The following NEGR1 variants were observed in gnomAD, a reference collection of about 807,000 sequenced individuals.
NEGR1 encodes the protein neuronal growth regulator 1, also known as IgLON family member 4.
Under a neutral mutation model 40.9 loss-of-function variants are expected in NEGR1, and 10 were observed. The ratio of observed to expected loss-of-function variants is 0.24; its 90% confidence interval spans 0.15 to 0.42. The LOEUF (loss-of-function observed/expected upper bound fraction) is 0.42. NEGR1 is among the 10% of genes least tolerant of loss of function. The pLI, the probability that NEGR1 is intolerant of heterozygous loss-of-function variation, is 1.00. For missense variants in NEGR1, 352 were observed against 438.9 expected (o/e 0.80, Z 1.77); for synonymous variants, 185 against 166.8 (o/e 1.11, Z -0.84).
chr1:72,104,443 T>G (rs1357162450), intron 1 of NEGR1, among the ~76,000 whole-genome samples: 1 of 152,062 alleles, frequency 6.6e-6, no homozygotes, highest in Non-Finnish European at 1.5e-5. Context: ...CCAAAAAACA[T>G]GGAAAGCCTT....
chr1:71,881,217 T>A (rs546913226), intron 2 of NEGR1, among the ~76,000 whole-genome samples: 1 of 152,134 alleles, frequency 6.6e-6, no homozygotes, highest in South Asian at 2.1e-4. Context: ...TGACTGACTT[T>A]TTTCTGAGAC....
intron 1 of NEGR1, among the ~76,000 whole-genome samples, chr1:72,048,274 G>T (rs534734201): frequency 7.2e-4 from 109 of 151,612 alleles, no homozygotes; most frequent in Non-Finnish European, 1.3e-3. Flanking sequence ...TTACCTTACA[G>T]AATGTTAGAA....
At chr1:71,921,490 T>A (rs1421669028) in intron 2 of NEGR1, among the ~76,000 whole-genome samples, 1 of 152,060 alleles carries the variant, frequency 6.6e-6, no homozygotes, top group African/African-American at 2.4e-5. Context: ...GCCTATTCAA[T>A]GTGAAGATGA....
At chr1:71,464,203 G>T (rs1029262009) in intron 6 of NEGR1, among the ~76,000 whole-genome samples, 6 of 152,110 alleles carry the variant, frequency 3.9e-5, no homozygotes, top group Admixed American at 3.3e-4. Flanking sequence ...ACTCAGTGTT[G>T]TATCATCAAG....
chr1:71,819,617 A>T (rs1557664825), intron 2 of NEGR1, among the ~76,000 whole-genome samples: 1 of 152,038 alleles, frequency 6.6e-6, no homozygotes, highest in Non-Finnish European at 1.5e-5. Flanking sequence ...AAAAGAAAAG[A>T]GAATCATCTT....
intron 1 of NEGR1, among the ~76,000 whole-genome samples, chr1:71,971,246 T>C (rs1171880012): frequency 1.3e-5 from 2 of 152,254 alleles, no homozygotes; most frequent in Admixed American, 6.5e-5. Flanking sequence ...TTCTGATTTC[T>C]AGTCTCCAGA....
chr1:71,573,751 G>T (rs1166320149), intron 6 of NEGR1, among the ~76,000 whole-genome samples: 1 of 152,100 alleles, frequency 6.6e-6, no homozygotes. Context: ...ATCATAGTCT[G>T]CTAAGTCCTA....
chr1:71,608,912 C>T (rs1650153569), intron 5 of NEGR1, among the ~76,000 whole-genome samples: 2 of 152,166 alleles, frequency 1.3e-5, no homozygotes, highest in Non-Finnish European at 1.5e-5. Flanking sequence ...TTCAGAACCA[C>T]TTTTCTGGAT....
chr1:71,484,774 C>T (rs909990889), intron 6 of NEGR1: 1 of 151,656 alleles, frequency 6.6e-6, no homozygotes, highest in African/African-American at 2.4e-5. Flanking sequence ...CAGTCTAACT[C>T]CTTCTTTGCA....
chr1:72,179,841 C>T (rs1652300451), intron 1 of NEGR1, among the ~76,000 whole-genome samples: 2 of 151,428 alleles, frequency 1.3e-5, no homozygotes, highest in Non-Finnish European at 2.9e-5. Context: ...AGTGAAATAC[C>T]TGCACACTGA....
intron 5 of NEGR1, among the ~76,000 whole-genome samples, chr1:71,608,408 A>T (rs1271059204): frequency 6.6e-6 from 1 of 152,082 alleles, no homozygotes; most frequent in Non-Finnish European, 1.5e-5. Context: ...AGGAAAAAAA[A>T]AATCACTGAA....
intron 6 of NEGR1, among the ~76,000 whole-genome samples, chr1:71,428,117 T>C (rs1430868448): frequency 1.3e-5 from 2 of 152,178 alleles, no homozygotes; most frequent in East Asian, 1.9e-4. Context: ...ATTCTAATTA[T>C]GGCAGAAAGT....
rs1656294735 is a variant in NEGR1, at chr1:72,282,411, T to C, written c.84A>G (p.Leu28=). The change falls in exon 1 of 7, where the codon CTA becomes CTG. Residue 28 remains leucine, a synonymous_variant. Transcript: ENST00000357731. ...AAVLLSLCCL[L]PSCLPAGQSV... The stretch of plus-strand genomic sequence containing the variant: ...TCTGTCCAGCCGGGAGGCAGGAGGG[T>C]AGCAGGCAGCACAGGCTGAGGAGCA... 1.9e-6 allele frequency: 3 copies of C among 1,613,174 alleles called. No individual in the cohort carries two copies. The highest frequency in any genetic ancestry group is 2.7e-5 in the African/African-American group (2 of 74,600).
intron 1 of NEGR1, among the ~76,000 whole-genome samples, chr1:72,106,555 T>TA (rs1327545292): frequency 3.9e-5 from 6 of 152,020 alleles, no homozygotes; most frequent in Admixed American, 1.3e-4. Context: ...AAAATGAACT[T>TA]AAATTATAAG....
At chr1:71,691,715 G>T (rs980883504) in intron 4 of NEGR1, among the ~76,000 whole-genome samples, 1 of 151,432 alleles carries the variant, frequency 6.6e-6, no homozygotes, top group Non-Finnish European at 1.5e-5. Flanking sequence ...CACCTCATCC[G>T]GTCCTGCTTC....
At chr1:71,773,090 A>G (rs991968988) in intron 3 of NEGR1, among the ~76,000 whole-genome samples, 1 of 152,166 alleles carries the variant, frequency 6.6e-6, no homozygotes, top group Non-Finnish European at 1.5e-5. Flanking sequence ...TGGCAACTGT[A>G]GCTGGCCCCA....
chr1:71,733,730 T>A (rs1301856041), intron 3 of NEGR1, among the ~76,000 whole-genome samples: 2 of 152,166 alleles, frequency 1.3e-5, no homozygotes, highest in Non-Finnish European at 2.9e-5. Flanking sequence ...GCTCATTTGT[T>A]AAAACAGCAA....
At chr1:72,248,660 G>A (rs1374325248) in intron 1 of NEGR1, among the ~76,000 whole-genome samples, 4 of 150,134 alleles carry the variant, frequency 2.7e-5, no homozygotes, top group African/African-American at 9.8e-5. Context: ...GTATAGTGGT[G>A]CAATCTTGGC....
chr1:71,724,364 A>G lies in NEGR1; in HGVS notation c.536-26225T>C, dbSNP rs551700489. ...ATGATAGTTACATAGATAGAAATATATTTCATGCCTTATTTTTTGTATAAA... is the reference window on the plus strand; with the variant it reads ...ATGATAGTTACATAGATAGAAATATGTTTCATGCCTTATTTTTTGTATAAA... On this transcript the variant is annotated intron_variant, in intron 3 of 6. Coordinates refer to ENST00000357731, the MANE Select transcript of NEGR1 (RefSeq NM_173808.3). Among the ~76,000 whole-genome samples the G allele has an allele frequency of 4.6e-5, 7 of 152,294 alleles. No homozygotes were observed. In the South Asian group the frequency reaches 1.4e-3, roughly 32 times the overall value.
Sources: gnomAD v4.1 joint callset for allele counts (sites outside exome capture counted in the v4.1 genomes callset) on GRCh38, gnomAD v4.1.1 for gene constraint, MANE v1.5 for transcripts, NCBI Gene and HGNC (gene_info 2026-07-23, HGNC 2026-07-21) for gene names.